The following HS3ST4 variants were observed in gnomAD, a reference collection of about 807,000 sequenced individuals.
HS3ST4 encodes the protein heparan sulfate-glucosamine 3-sulfotransferase 4.
HS3ST4 carries 17 observed loss-of-function variants against 29.2 expected under a neutral mutation model. That is an observed-to-expected ratio of 0.58 (90% confidence interval 0.40 to 0.87). The LOEUF is 0.87. Among genes scored for constraint, HS3ST4 ranks in the 40% least tolerant of loss-of-function variants. The probability of loss-of-function intolerance (pLI) is 0.00; values close to 1 mark genes in which losing one functional copy is unlikely to be tolerated. For synonymous variants in HS3ST4, 314 were observed against 285.7 expected (o/e 1.10, Z -1.00); for missense variants, 627 against 634.5 (o/e 0.99, Z 0.13).
At chr16:25,862,089 T>G (rs911801177) in intron 1 of HS3ST4, among the ~76,000 whole-genome samples, 1 of 152,202 alleles carries the variant, frequency 6.6e-6, no homozygotes, top group Middle Eastern at 3.2e-3. Context: ...AGGCTTTAGA[T>G]TCTCATAAGG....
At chr16:25,884,192 A>C (rs1822327969) in intron 1 of HS3ST4, among the ~76,000 whole-genome samples, 1 of 152,130 alleles carries the variant, frequency 6.6e-6, no homozygotes, top group African/African-American at 2.4e-5. Flanking sequence ...GGGTGCATAG[A>C]GAAGGTTCAG....
At chr16:25,919,025 T>C (rs1968320228) in intron 1 of HS3ST4, among the ~76,000 whole-genome samples, 1 of 152,206 alleles carries the variant, frequency 6.6e-6, no homozygotes, top group South Asian at 2.1e-4. Flanking sequence ...CAATGCATTT[T>C]ATTTTATTTT....
chr16:25,850,833 TAAG>T (rs1418774406), intron 1 of HS3ST4, among the ~76,000 whole-genome samples: 6 of 152,128 alleles, frequency 3.9e-5, no homozygotes, highest in Non-Finnish European at 7.4e-5. Context: ...TATTCTGTGT[TAAG>T]GAGGGAACAG....
chr16:25,740,701 C>T (rs1272597670), intron 1 of HS3ST4, among the ~76,000 whole-genome samples: 1 of 152,166 alleles, frequency 6.6e-6, no homozygotes, highest in Non-Finnish European at 1.5e-5. Flanking sequence ...ATCCCAACAA[C>T]CTGTGAGGAC....
intron 1 of HS3ST4, among the ~76,000 whole-genome samples, chr16:26,035,072 G>C (rs977164968): frequency 2.6e-5 from 4 of 152,194 alleles, no homozygotes; most frequent in African/African-American, 7.2e-5. Flanking sequence ...TGATATAACT[G>C]TGCTGTGAAC....
intron 1 of HS3ST4, among the ~76,000 whole-genome samples, chr16:25,760,565 C>T (rs1966783144): frequency 6.6e-6 from 1 of 151,934 alleles, no homozygotes; most frequent in Non-Finnish European, 1.5e-5. Context: ...ATTACAGGCA[C>T]CTGCCACCAC....
At chr16:25,760,758 T>C (rs1295613795) in intron 1 of HS3ST4, among the ~76,000 whole-genome samples, 1 of 152,182 alleles carries the variant, frequency 6.6e-6, no homozygotes, top group Non-Finnish European at 1.5e-5. Context: ...TCTTCAAAGG[T>C]ACTGTCTCTA....
At chr16:25,707,494 G>C (rs1966383346) in intron 1 of HS3ST4, among the ~76,000 whole-genome samples, 1 of 152,152 alleles carries the variant, frequency 6.6e-6, no homozygotes. Flanking sequence ...GGGTCTTGGA[G>C]CATATCCTCT....
chr16:25,778,182 A>G (rs1394744862), intron 1 of HS3ST4, among the ~76,000 whole-genome samples: 3 of 152,176 alleles, frequency 2.0e-5, no homozygotes, highest in African/African-American at 7.2e-5. Flanking sequence ...AATAAAAAGT[A>G]CTTCCCAGGT....
intron 1 of HS3ST4, among the ~76,000 whole-genome samples, chr16:25,852,773 CTTCATAT>C (rs72242278): frequency 0.013 from 1,923 of 152,070 alleles, 41 homozygotes; most frequent in African/African-American, 0.044. Flanking sequence ...TTGTTTCATG[CTTCATAT>C]TTCATCATTC....
intron 1 of HS3ST4, among the ~76,000 whole-genome samples, chr16:26,111,236 AT>A (rs1389020755): frequency 6.7e-6 from 1 of 149,676 alleles, no homozygotes; most frequent in Non-Finnish European, 1.5e-5. Flanking sequence ...ATACCAGCAC[AT>A]CTGGCTAATT....
At chr16:25,828,307 T>TTC (rs1567249550) in intron 1 of HS3ST4, among the ~76,000 whole-genome samples, 5 of 84,722 alleles carry the variant, frequency 5.9e-5, no homozygotes, top group South Asian at 4.2e-4. Context: ...TTTCCCTCTC[T>TTC]CTCTCTCTCT....
chr16:25,780,638 A>G (rs1176536794), intron 1 of HS3ST4, among the ~76,000 whole-genome samples: 1 of 152,210 alleles, frequency 6.6e-6, no homozygotes, highest in Non-Finnish European at 1.5e-5. Context: ...TTTCTTGTGT[A>G]TAAAGTGGGA....
intron 1 of HS3ST4, among the ~76,000 whole-genome samples, chr16:25,878,550 C>T (rs1260901284): frequency 1.3e-5 from 2 of 152,152 alleles, no homozygotes; most frequent in African/African-American, 2.4e-5. Flanking sequence ...TTGAAAGCCA[C>T]GTCACGCTAT....
chr16:25,939,530 G>A (rs979089424), intron 1 of HS3ST4, among the ~76,000 whole-genome samples: 5 of 151,844 alleles, frequency 3.3e-5, no homozygotes, highest in African/African-American at 4.8e-5. Context: ...GTAGAGGTGG[G>A]GTTTTACCAT....
intron 1 of HS3ST4, among the ~76,000 whole-genome samples, chr16:25,973,301 G>A (rs1043386188): frequency 6.6e-6 from 1 of 152,222 alleles, no homozygotes; most frequent in Non-Finnish European, 1.5e-5. Context: ...GGGAAGCCAG[G>A]AAGGATTTTT....
At chr16:25,766,231 G>A (rs1966818445) in intron 1 of HS3ST4, among the ~76,000 whole-genome samples, 1 of 152,026 alleles carries the variant, frequency 6.6e-6, no homozygotes, top group African/African-American at 2.4e-5. Flanking sequence ...CCAGGGTAGT[G>A]AGGATGAAGT....
chr16:25,999,800 A>G (rs1323452231), intron 1 of HS3ST4, among the ~76,000 whole-genome samples: 1 of 136,200 alleles, frequency 7.3e-6, no homozygotes, highest in East Asian at 2.0e-4. Context: ...TTTTATATAT[A>G]TTATATGTAT....
intron 1 of HS3ST4, among the ~76,000 whole-genome samples, chr16:26,076,462 A>G (rs1350246664): frequency 6.6e-6 from 1 of 152,172 alleles, no homozygotes; most frequent in Non-Finnish European, 1.5e-5. Context: ...GCCTGCAGTG[A>G]AAAAAGTGGG....
Sources: gnomAD v4.1 joint callset for allele counts (sites outside exome capture counted in the v4.1 genomes callset) on GRCh38, gnomAD v4.1.1 for gene constraint, MANE v1.5 for transcripts, NCBI Gene and HGNC (gene_info 2026-07-23, HGNC 2026-07-21) for gene names.